The following CLEC17A variants were observed in gnomAD, a reference collection of about 807,000 sequenced individuals.
CLEC17A encodes the protein C-type lectin domain containing 17A, also known as C-type lectin domain family 17, member A.
In CLEC17A, 37 loss-of-function variants were observed where a neutral mutation model predicts 61.3. That is an observed-to-expected ratio of 0.60 (90% CI 0.46 to 0.79). CLEC17A has a LOEUF of 0.79. Ranked by LOEUF, CLEC17A falls within the 30% of genes least tolerant of loss-of-function variation. The probability of loss-of-function intolerance (pLI) is 0.00; values close to 1 mark genes in which losing one functional copy is unlikely to be tolerated. For missense variants in CLEC17A, 418 were observed against 464.7 expected (o/e 0.90, Z 0.92); for synonymous variants, 168 against 164.9 (o/e 1.02, Z -0.14).
chr19:14,589,259 C>A lies in CLEC17A; in HGVS notation c.199+1568C>A, dbSNP rs567282966. 4.1e-4 allele frequency among the ~76,000 whole-genome samples: 54 copies of A among 130,918 alleles called. 4 individuals carry two copies. The South Asian group carries it at 7.2e-3, about 17-fold the overall frequency. 85.9% of individuals were successfully genotyped at this position (130,918 alleles called of 152,430 possible). ...ACCCCATCCCAACACCAATTCTAAT[C>A]CAAACCTCACCTCATCTTCATCCCC... On this transcript the variant is annotated intron_variant, in intron 3 of 13. Transcript: ENST00000417570.
chr19:14,590,701 T>C (rs1015440223), intron 3 of CLEC17A, among the ~76,000 whole-genome samples: 20 of 151,822 alleles, frequency 1.3e-4, no homozygotes, highest in Non-Finnish European at 2.6e-4. Flanking sequence ...TTCTTTTTTC[T>C]TTAAGAGTGG....
At chr19:14,584,099 T>A (rs1358805079) in intron 2 of CLEC17A, 1 of 145,362 alleles carries the variant, frequency 6.9e-6, no homozygotes, top group East Asian at 2.0e-4. Flanking sequence ...GTTTGGGCCG[T>A]GTGTGGTGGC....
rs747396989 is a variant in CLEC17A at position 14,583,118 on chromosome 19, T to G, written c.-43T>G. ...AGTCGGAGAGACAGGGGGCAGAGGTTGCCAAGCCCTGGCTGCCACTTGTCA... is the reference window on the plus strand; with the variant it reads ...AGTCGGAGAGACAGGGGGCAGAGGTGGCCAAGCCCTGGCTGCCACTTGTCA... On this transcript the variant is annotated 5_prime_UTR_variant, in exon 1 of 14. Transcript: ENST00000417570. 6.2e-7 allele frequency: 1 copy of G among 1,612,444 alleles called. No homozygotes were observed. Among genetic ancestry groups the G allele is most frequent in the Non-Finnish European group, 8.5e-7 (1 of 1,178,622 alleles).
At chr19:14,594,393 C>T (rs777280967) in intron 4 of CLEC17A, 124 bp from the exon 5 acceptor site, 16 of 1,284,716 alleles carry the variant, frequency 1.2e-5, no homozygotes, top group Middle Eastern at 2.6e-4. Flanking sequence ...TGCATTCTTA[C>T]GTCCAACCCC....
chr19:14,593,410 G>A (rs1489829682), intron 4 of CLEC17A, among the ~76,000 whole-genome samples: 1 of 151,394 alleles, frequency 6.6e-6, no homozygotes, highest in Non-Finnish European at 1.5e-5. Flanking sequence ...ACTTTGGGAA[G>A]CCAAGGTGGG....
At chr19:14,608,298 T>C (rs1214330358) in intron 13 of CLEC17A, among the ~76,000 whole-genome samples, 3 of 152,182 alleles carry the variant, frequency 2.0e-5, no homozygotes, top group African/African-American at 7.2e-5. Context: ...GGATTTGTCA[T>C]TGGCAAAGAA....
rs1213161138 is a variant in CLEC17A, at chr19:14,600,226, C to T, written c.894+44C>T. ...ACCTTTGAGAACCTTCAGGGACAGC[C>T]TGCTTCTCTTCCAGGATGCACACAT... On this transcript the variant is annotated intron_variant, in intron 12 of 13. Transcript: ENST00000417570. The T allele has an allele frequency of 5.0e-6, 8 of 1,601,526 alleles. No homozygotes were observed. In the Admixed American group the frequency reaches 6.7e-5, roughly 13 times the overall value.
At chr19:14,582,759 C>T (rs2074197430), upstream of CLEC17A, among the ~76,000 whole-genome samples, 1 of 152,100 alleles carries the variant, frequency 6.6e-6, no homozygotes. Flanking sequence ...AGGCGCCTGC[C>T]ACTGCGCCTG....
intron 13 of CLEC17A, among the ~76,000 whole-genome samples, chr19:14,608,588 T>C (rs1470254710): frequency 6.6e-6 from 1 of 151,338 alleles, no homozygotes; most frequent in African/African-American, 2.4e-5. Flanking sequence ...TCCAGGCTAA[T>C]GGTTGGGAGA....
At chr19:14,581,305 C>T (rs1417371227), upstream of CLEC17A, among the ~76,000 whole-genome samples, 1 of 152,086 alleles carries the variant, frequency 6.6e-6, no homozygotes, top group Non-Finnish European at 1.5e-5. Context: ...TGACTCGGAA[C>T]CACAGAAATA....
intron 12 of CLEC17A, among the ~76,000 whole-genome samples, chr19:14,606,388 A>C (rs1014263358): frequency 6.6e-6 from 1 of 151,608 alleles, no homozygotes; most frequent in Non-Finnish European, 1.5e-5. Context: ...AAAAAAAAAA[A>C]AAAAATTAGG....
At chr19:14,607,550 A>ATTAT (rs71166764) in intron 13 of CLEC17A, among the ~76,000 whole-genome samples, 26,035 of 141,138 alleles carry the variant, frequency 0.18, 2,504 homozygotes, top group African/African-American at 0.21. Flanking sequence ...ATTTTATTTT[A>ATTAT]TTATTTATTT....
intron 13 of CLEC17A, among the ~76,000 whole-genome samples, chr19:14,608,466 A>G (rs912083201): frequency 6.6e-6 from 1 of 152,028 alleles, no homozygotes; most frequent in Non-Finnish European, 1.5e-5. Context: ...CCAGACAGGG[A>G]CAGCACCAGG....
At chr19:14,606,627 C>T (rs1481346714) in intron 12 of CLEC17A, among the ~76,000 whole-genome samples, 1 of 150,312 alleles carries the variant, frequency 6.7e-6, no homozygotes, top group Non-Finnish European at 1.5e-5. Flanking sequence ...CTGCAGTGAG[C>T]TGAGATCGCA....
chr19:14,588,341 A>C (rs1309870672), intron 3 of CLEC17A: 3 of 151,826 alleles, frequency 2.0e-5, no homozygotes, highest in East Asian at 1.9e-4. Context: ...AAAAAAAAAA[A>C]CAAGTAGAGG....
chr19:14,591,636 C>A (rs1261450914), intron 3 of CLEC17A, among the ~76,000 whole-genome samples: 14 of 151,120 alleles, frequency 9.3e-5, no homozygotes, highest in Non-Finnish European at 2.1e-4. Context: ...TCACTGCAAC[C>A]TCCACCTCCT....
chr19:14,594,475 C>G, intron 4 of CLEC17A, 42 bp from the exon 5 acceptor site: 3 of 1,553,772 alleles, frequency 1.9e-6, no homozygotes, highest in Non-Finnish European at 2.6e-6. Flanking sequence ...TGGCGCATTC[C>G]CATCCTCAGC....
intron 3 of CLEC17A, 47 bp downstream of exon 3, chr19:14,587,738 G>A (rs1362814218): frequency 6.2e-7 from 1 of 1,608,992 alleles, no homozygotes; most frequent in South Asian, 1.1e-5. Flanking sequence ...CAGGGAACGG[G>A]GTCTCCAGTG....
At chr19:14,601,212 T>C (rs1200885850) in intron 12 of CLEC17A, among the ~76,000 whole-genome samples, 1 of 152,104 alleles carries the variant, frequency 6.6e-6, no homozygotes, top group Non-Finnish European at 1.5e-5. Context: ...TAGGAGGGGT[T>C]ACTTTATGCT....
Sources: gnomAD v4.1 joint callset for allele counts (sites outside exome capture counted in the v4.1 genomes callset) on GRCh38, gnomAD v4.1.1 for gene constraint, MANE v1.5 for transcripts, NCBI Gene and HGNC (gene_info 2026-07-23, HGNC 2026-07-21) for gene names.